The following NRAS variants were observed in gnomAD, a reference collection of about 807,000 sequenced individuals.
NRAS encodes NRAS proto-oncogene, GTPase, also known as GTPase NRas.
Under a neutral mutation model 21.3 loss-of-function variants are expected in NRAS, and 6 were observed. The observed-to-expected ratio is 0.28, with a 90% CI of 0.15 to 0.56. The LOEUF (loss-of-function observed/expected upper bound fraction) is 0.56. Ranked by LOEUF, NRAS falls within the 20% of genes least tolerant of loss-of-function variation. NRAS has a pLI of 0.93. For synonymous variants in NRAS, 84 were observed against 82.0 expected, an observed-to-expected ratio of 1.02 and a Z score of -0.13; for missense variants, 143 against 231.3, an observed-to-expected ratio of 0.62 and a Z score of 2.48.
chr1:114,705,136 C>A lies in NRAS; in HGVS notation c.*2958G>T, dbSNP rs1023725521. On this transcript the variant is annotated 3_prime_UTR_variant, in exon 7 of 7. Transcript: ENST00000369535. ...CACAAGCTCTGGAATGGTAAAAAAA[C>A]CCCACATATCTCTAAAGTGTTTCTC... is the stretch of plus-strand genomic sequence containing the variant. 2.6e-5 allele frequency: 4 copies of A among 151,958 alleles called. No individual in the cohort carries two copies. Among genetic ancestry groups the A allele is most frequent in the East Asian group, 1.9e-4 (1 of 5,190 alleles). The allele number at this position is 151,958 out of a possible 1,614,324, so 9.4% of individuals were successfully genotyped here. A position where few individuals can be genotyped will look rare whatever the true frequency, so the allele number is the denominator to read the frequency against.
rs750039795 is a variant in NRAS at position 114,716,181 on chromosome 1, T to A, written c.-17-4A>T. On this transcript the variant is annotated splice_region_variant and splice_polypyrimidine_tract_variant and intron_variant, in intron 1 of 6. Transcript: ENST00000369535. The stretch of plus-strand genomic sequence containing the variant: ...GTCATTTCACACCAGCAAGAACCTG[T>A]TGGAAACCAGTAATCAGGGTTAATT... 3 of 1,529,978 alleles carry A rather than the reference T, an allele frequency of 2.0e-6. No homozygotes were observed. The highest frequency in any genetic ancestry group is 3.3e-5 in the Admixed American group (2 of 59,914). The allele number at this position is 1,529,978 out of a possible 1,614,324, so 94.8% of individuals were successfully genotyped here.
rs1409222647 is a variant in NRAS, at chr1:114,705,942, T to C, written c.*2152A>G. The C allele has an allele frequency of 1.3e-5, 2 of 152,346 alleles. No individual in the cohort carries two copies. Among genetic ancestry groups the C allele is most frequent in the South Asian group, 2.1e-4 (1 of 4,832 alleles). The allele number at this position is 152,346 out of a possible 1,614,324, so 9.4% of individuals were successfully genotyped here. ...CAAGATGAGTAACTATCTTTCTCCCTAATTTGACATCAAATTTAATAGATT... is the reference window on the plus strand; with the variant it reads ...CAAGATGAGTAACTATCTTTCTCCCCAATTTGACATCAAATTTAATAGATT... On this transcript the variant is annotated 3_prime_UTR_variant, in exon 7 of 7. Transcript: ENST00000369535.
rs1237217518 is a variant in NRAS, at chr1:114,708,624, T to C, written c.481A>G (p.Arg161Gly). Residue 161 changes from arginine (R) to glycine (G), a missense_variant, in exon 5 of 7, where the codon AGA (arginine) becomes GGA (glycine). Arg to Gly is a moderately radical substitution (Grantham distance 125). Transcript: ENST00000369535. ...TTCATTCGGTACTGGCGTATTTCTC[T>C]TACCAGTGTGTAAAAAGCATCTTCA... ...GVEDAFYTLV[R>G]EIRQYRMKKL... 2 of 1,613,324 alleles carry C rather than the reference T, an allele frequency of 1.2e-6. No homozygotes were observed. The highest frequency in any genetic ancestry group is 1.7e-6 in the Non-Finnish European group (2 of 1,179,286).
chr1:114,705,906 G>T lies in NRAS; in HGVS notation c.*2188C>A, dbSNP rs1249096456. 1.3e-5 allele frequency: 2 copies of T among 152,178 alleles called. No homozygotes were observed. Among genetic ancestry groups the T allele is most frequent in the Middle Eastern group, 3.2e-3 (1 of 316 alleles). The allele number at this position is 152,178 out of a possible 1,614,324, so 9.4% of individuals were successfully genotyped here. On this transcript the variant is annotated 3_prime_UTR_variant, in exon 7 of 7. Transcript: ENST00000369535. ...AAGTACATACATACAAGGGCTATTG[G>T]CACAAGAGCCCAAGATGAGTAACTA...
intron 3 of NRAS, among the ~76,000 whole-genome samples, chr1:114,712,094 A>G (rs1262469908): frequency 1.3e-5 from 2 of 152,200 alleles, no homozygotes; most frequent in Non-Finnish European, 2.9e-5. Context: ...AAGACAGCCT[A>G]AAGTACCTGG....
chr1:114,712,330 ATTTG>A (rs1379863142), intron 3 of NRAS, among the ~76,000 whole-genome samples: 3 of 152,212 alleles, frequency 2.0e-5, no homozygotes, highest in East Asian at 3.9e-4. Flanking sequence ...TCACTCCTAA[ATTTG>A]TTTATTTTAC....
intron 2 of NRAS, 78 bp downstream of exon 2, chr1:114,715,972 T>C: frequency 1.1e-6 from 1 of 922,738 alleles, no homozygotes; most frequent in Non-Finnish European, 1.8e-6. Context: ...CTCTTATTCC[T>C]TTAATACAGA....
intron 3 of NRAS, among the ~76,000 whole-genome samples, chr1:114,709,931 G>A (rs1354651349): frequency 6.6e-6 from 1 of 151,952 alleles, no homozygotes; most frequent in Non-Finnish European, 1.5e-5. Context: ...AGTGGCTCAT[G>A]CCTGTATTCC....
chr1:114,710,537 A>G (rs1399159136), intron 3 of NRAS, among the ~76,000 whole-genome samples: 1 of 151,292 alleles, frequency 6.6e-6, no homozygotes, highest in East Asian at 1.9e-4. Context: ...AAAGAAAAGA[A>G]AAGAGAAAAG....
chr1:114,710,967 A>G (rs1013498000), intron 3 of NRAS, among the ~76,000 whole-genome samples: 5 of 152,234 alleles, frequency 3.3e-5, no homozygotes, highest in African/African-American at 1.2e-4. Context: ...AAGGCAGTCT[A>G]TCACTTTTCA....
chr1:114,713,083 G>A (rs1659079502), intron 3 of NRAS, among the ~76,000 whole-genome samples: 1 of 152,134 alleles, frequency 6.6e-6, no homozygotes, highest in Non-Finnish European at 1.5e-5. Flanking sequence ...ATCTAGCTTT[G>A]AAACTTTATG....
intron 2 of NRAS, among the ~76,000 whole-genome samples, chr1:114,715,379 T>C (rs1186745266): frequency 6.6e-6 from 1 of 152,196 alleles, no homozygotes; most frequent in Non-Finnish European, 1.5e-5. Flanking sequence ...ATCTGTACCA[T>C]GAACTCTCAT....
At chr1:114,709,190 A>G (rs1049565546) in intron 4 of NRAS, among the ~76,000 whole-genome samples, 16 of 152,224 alleles carry the variant, frequency 1.1e-4, no homozygotes, top group Admixed American at 1.0e-3. Flanking sequence ...TAATCCCAGC[A>G]CTCTGGGAGG....
intron 3 of NRAS, among the ~76,000 whole-genome samples, chr1:114,710,805 C>A (rs1330369866): frequency 2.0e-5 from 3 of 152,144 alleles, no homozygotes; most frequent in Non-Finnish European, 1.5e-5. Context: ...GTATTTTATC[C>A]TGATACATGA....
chr1:114,709,058 T>C (rs1033900074), intron 4 of NRAS, among the ~76,000 whole-genome samples: 2 of 152,256 alleles, frequency 1.3e-5, no homozygotes, highest in African/African-American at 4.8e-5. Context: ...TGGATGTTAA[T>C]GCAGGAGTAA....
chr1:114,707,303 A>G lies in NRAS; in HGVS notation c.*791T>C, dbSNP rs1570869188. The G allele has an allele frequency of 6.5e-6, 1 of 152,722 alleles. No individual in the cohort carries two copies. Among genetic ancestry groups the G allele is most frequent in the Non-Finnish European group, 1.5e-5 (1 of 68,032 alleles). 9.5% of individuals were successfully genotyped at this position (152,722 alleles called of 1,614,324 possible). On this transcript the variant is annotated 3_prime_UTR_variant, in exon 7 of 7. Transcript: ENST00000369535. ...CAATTTCATACATGTACAAAATGGC[A>G]TCTGCTCTCAAATAGATATAGCTTT...
intron 4 of NRAS, 118 bp from the exon 5 acceptor site, chr1:114,708,772 G>C (rs1043134267): frequency 4.7e-6 from 4 of 853,358 alleles, no homozygotes; most frequent in Non-Finnish European, 5.6e-6. Context: ...ATTACTAAAC[G>C]AATAGCTGAT....
intron 3 of NRAS, among the ~76,000 whole-genome samples, chr1:114,712,328 A>G (rs1019652254): frequency 6.6e-6 from 1 of 152,180 alleles, no homozygotes; most frequent in African/African-American, 2.4e-5. Context: ...GCTCACTCCT[A>G]AATTTGTTTA....
chr1:114,715,901 A>T (rs2101743740), intron 2 of NRAS, 149 bp downstream of exon 2: 1 of 695,224 alleles, frequency 1.4e-6, no homozygotes, highest in Admixed American at 2.0e-5. Flanking sequence ...TGTTCTCTAT[A>T]AACACGTTAA....
Sources: allele counts gnomAD v4.1 joint callset (sites outside exome capture counted in the v4.1 genomes callset), GRCh38; gene constraint gnomAD v4.1.1; transcripts MANE v1.5; gene names NCBI Gene and HGNC (gene_info 2026-07-23, HGNC 2026-07-21).